WDR41: variants seen among roughly 807,000 people sequenced by gnomAD.
WDR41 encodes WD repeat-containing protein 41.
Under a neutral mutation model 69.3 loss-of-function variants are expected in WDR41, and 63 were observed. The ratio of observed to expected loss-of-function variants is 0.91; its 90% confidence interval spans 0.74 to 1.12. The LOEUF is 1.12. Ranked by LOEUF, WDR41 falls within the 50% of genes most tolerant of loss-of-function variation. The pLI is 0.00. For missense variants in WDR41, 543 were observed against 534.5 expected, an observed-to-expected ratio of 1.02 and a Z score of -0.16; for synonymous variants, 185 against 192.1, an observed-to-expected ratio of 0.96 and a Z score of 0.31.
intron 1 of WDR41, among the ~76,000 whole-genome samples, chr5:77,583,967 T>A (rs1743989290): frequency 6.6e-6 from 1 of 152,176 alleles, no homozygotes; most frequent in Non-Finnish European, 1.5e-5. Flanking sequence ...ATGTAATACA[T>A]CATATCATTA....
At position 77,545,925 on chromosome 5, in the gene WDR41, A is replaced by G. The variant is rs115969397; in HGVS notation, c.43-56353T>C. The G allele has an allele frequency of 4.7e-4, 241 of 511,556 alleles. 4 individuals carry two copies. The highest frequency in any genetic ancestry group is 4.6e-3 in the African/African-American group (228 of 49,888). The allele number at this position is 511,556 out of a possible 1,614,324, so 31.7% of individuals were successfully genotyped here. A position where few individuals can be genotyped will look rare whatever the true frequency, so the allele number is the denominator to read the frequency against. ...GAACAAGATTGGAAAGCCCCATGCC[A>G]TCCCTTGCAAGGTGACAGGCCGCTG... On this transcript the variant is annotated intron_variant, in intron 1 of 5. Transcript: ENST00000509971.
intron 1 of WDR41, among the ~76,000 whole-genome samples, chr5:77,543,078 A>G (rs555574201): frequency 4.5e-4 from 68 of 152,304 alleles, no homozygotes; most frequent in African/African-American, 1.6e-3. Flanking sequence ...CTCGGCTCTC[A>G]AGAAGCCACA....
At chr5:77,455,752 G>A (rs335602) in intron 5 of WDR41, among the ~76,000 whole-genome samples, 89,831 of 152,004 alleles carry the variant, frequency 0.59, 28,396 homozygotes, top group African/African-American at 0.81. Context: ...CAAAAAATCA[G>A]TTGGCTATGT....
At chr5:77,455,263 T>A (rs913523670) in intron 5 of WDR41, among the ~76,000 whole-genome samples, 1 of 152,244 alleles carries the variant, frequency 6.6e-6, no homozygotes, top group African/African-American at 2.4e-5. Flanking sequence ...ATGTGCTTAT[T>A]TGCTATTTGT....
chr5:77,452,927 G>A (rs781229744), intron 6 of WDR41: 1 of 152,114 alleles, frequency 6.6e-6, no homozygotes, highest in Non-Finnish European at 1.5e-5. Context: ...GTGAAAGAGA[G>A]AGAAAAATGA....
chr5:77,478,112 A>G (rs1581748469), intron 2 of WDR41, among the ~76,000 whole-genome samples: 1 of 152,272 alleles, frequency 6.6e-6, no homozygotes, highest in South Asian at 2.1e-4. Flanking sequence ...ACACCCTCCC[A>G]AGACTAAACC....
At chr5:77,492,070 G>T in intron 1 of WDR41, 100 bp downstream of exon 1, 1 of 1,453,294 alleles carries the variant, frequency 6.9e-7, no homozygotes, top group Non-Finnish European at 9.4e-7. Flanking sequence ...CCCCGCCTCC[G>T]CCCGGGTCCC....
Position 77,558,114 on chromosome 5 carries a change from AAAC to A in WDR41, c.42+62362_42+62364del, listed in dbSNP as rs1325069508. Among the ~76,000 whole-genome samples the A allele has an allele frequency of 2.3e-4, 34 of 148,874 alleles. 2 individuals carry two copies. Among genetic ancestry groups the A allele is most frequent in the Non-Finnish European group, 4.0e-4 (27 of 67,200 alleles). ...CTTTTTAAAAAAAAAAAAAAAAAAA[AAAC>A]AAAACAGGAGTAGGTATGTAGGTAA... On this transcript the variant is annotated intron_variant, in intron 1 of 5. Coordinates refer to the WDR41 transcript ENST00000509971.
rs569789953 is a variant in WDR41 at position 77,538,892 on chromosome 5, C to T, written c.43-49320G>A. Among the ~76,000 whole-genome samples, 180 of 152,262 alleles carry T rather than the reference C, an allele frequency of 1.2e-3. 1 individual carries two copies. In the South Asian group the frequency reaches 0.017, roughly 15 times the overall value. On this transcript the variant is annotated intron_variant, in intron 1 of 5. Transcript: ENST00000509971. ...AGAAGTCTTTTTCTATATTATTTCA[C>T]ACCATCTGTCTCAGTGAGTTTGGGC...
chr5:77,574,310 T>TAATA lies in WDR41; in HGVS notation c.42+46165_42+46168dup, dbSNP rs568509707. On this transcript the variant is annotated intron_variant, in intron 1 of 5. Coordinates refer to the WDR41 transcript ENST00000509971. ...GAGACTCCATCTCAAAATAAATAAATAATAAATAAATAAATAAATAAAATT... is the reference window on the plus strand; with the variant it reads ...GAGACTCCATCTCAAAATAAATAAATAATAAATAAATAAATAAATAAATAAAATT... 5.0e-3 allele frequency among the ~76,000 whole-genome samples: 761 copies of TAATA among 151,360 alleles called. 3 individuals carry two copies. The highest frequency in any genetic ancestry group is 0.017 in the African/African-American group (709 of 41,346).
intron 1 of WDR41, among the ~76,000 whole-genome samples, chr5:77,517,393 A>G (rs2030433663): frequency 6.6e-6 from 1 of 152,048 alleles, no homozygotes; most frequent in African/African-American, 2.4e-5. Flanking sequence ...AAAAACAAAA[A>G]CAAAAACAAA....
At chr5:77,594,237 G>A (rs1258148286) in intron 1 of WDR41, among the ~76,000 whole-genome samples, 1 of 142,216 alleles carries the variant, frequency 7.0e-6, no homozygotes, top group African/African-American at 2.6e-5. Flanking sequence ...GACACAGGAA[G>A]GGGAACATCA....
intron 1 of WDR41, among the ~76,000 whole-genome samples, chr5:77,521,262 C>T (rs1306541850): frequency 6.6e-6 from 1 of 152,228 alleles, no homozygotes; most frequent in Non-Finnish European, 1.5e-5. Context: ...CTATATACCT[C>T]GCATGCGCAG....
intron 1 of WDR41, among the ~76,000 whole-genome samples, chr5:77,504,619 T>A (rs575566189): frequency 2.0e-5 from 3 of 152,094 alleles, no homozygotes; most frequent in Admixed American, 2.0e-4. Flanking sequence ...GATGCAAAAA[T>A]CCTCAATAAA....
chr5:77,517,543 CT>C (rs1379774624), intron 1 of WDR41, among the ~76,000 whole-genome samples: 1 of 151,598 alleles, frequency 6.6e-6, no homozygotes, highest in Admixed American at 6.6e-5. Context: ...TCTATTTCAA[CT>C]TTTTTTCCTT....
chr5:77,598,287 T>A (rs1343063604), intron 1 of WDR41, among the ~76,000 whole-genome samples: 1 of 152,240 alleles, frequency 6.6e-6, no homozygotes, highest in Admixed American at 6.5e-5. Flanking sequence ...CCTAGGTTTA[T>A]TGGCCTGAGC....
At chr5:77,619,106 T>A (rs1049383153) in intron 1 of WDR41, among the ~76,000 whole-genome samples, 15 of 152,354 alleles carry the variant, frequency 9.8e-5, no homozygotes, top group Middle Eastern at 3.4e-3. Context: ...TTATTTTACA[T>A]ATAACTGCTT....
At chr5:77,468,045 T>C (rs1581729526) in intron 2 of WDR41, among the ~76,000 whole-genome samples, 1 of 150,978 alleles carries the variant, frequency 6.6e-6, no homozygotes, top group Admixed American at 6.6e-5. Context: ...ACCCAAGTTG[T>C]TAAAAATACT....
At chr5:77,459,369 A>G (rs927604229) in intron 4 of WDR41, among the ~76,000 whole-genome samples, 4 of 152,278 alleles carry the variant, frequency 2.6e-5, no homozygotes, top group Admixed American at 1.3e-4. Flanking sequence ...GAAAATGCCA[A>G]CATAATGAAT....
Sources: gnomAD v4.1 joint callset for allele counts (sites outside exome capture counted in the v4.1 genomes callset) on GRCh38, gnomAD v4.1.1 for gene constraint, MANE v1.5 for transcripts, NCBI Gene and HGNC (gene_info 2026-07-23, HGNC 2026-07-21) for gene names.